NEURL1: variants seen among roughly 807,000 people sequenced by gnomAD.
NEURL1 encodes E3 ubiquitin-protein ligase NEURL1.
NEURL1 carries 26 observed loss-of-function variants against 41.2 expected under a neutral mutation model. The observed-to-expected ratio is 0.63, with a 90% CI of 0.46 to 0.87. The LOEUF is 0.87. NEURL1 is among the 40% of genes least tolerant of loss of function. NEURL1 has a pLI of 0.00. For missense variants in NEURL1, 761 were observed against 871.1 expected (o/e 0.87, Z 1.59); for synonymous variants, 400 against 402.3 (o/e 0.99, Z 0.07).
In NEURL1 at chr10:103,542,187, T is replaced by C. The variant is rs376442286; in HGVS notation, c.86-28685T>C. ...CACGCTGGCTGTATGTGAGAATTGC[T>C]TGGGGAGCTGGGCCCCACACTTCAG... On this transcript the variant is annotated intron_variant, in intron 1 of 5. Transcript: ENST00000369780. Among the ~76,000 whole-genome samples the C allele has an allele frequency of 5.0e-4, 76 of 152,338 alleles. 1 individual carries two copies. In the East Asian group the frequency reaches 0.013, roughly 26 times the overall value.
chr10:103,526,186 C>A (rs529696716), intron 1 of NEURL1, among the ~76,000 whole-genome samples: 41 of 129,028 alleles, frequency 3.2e-4, no homozygotes, highest in Non-Finnish European at 5.6e-4. Context: ...GAGATATTGG[C>A]CTGTAGCTTT....
chr10:103,524,079 TCTGCCTCCTTGC>T (rs1211149902), intron 1 of NEURL1, among the ~76,000 whole-genome samples: 1 of 152,252 alleles, frequency 6.6e-6, no homozygotes, highest in Non-Finnish European at 1.5e-5. Context: ...TTCCCCTTTC[TCTGCCTCCTTGC>T]CAGCATTTGT....
At chr10:103,549,681 G>A (rs975658379) in intron 1 of NEURL1, among the ~76,000 whole-genome samples, 1 of 152,182 alleles carries the variant, frequency 6.6e-6, no homozygotes, top group East Asian at 1.9e-4. Context: ...GCAGCAAGGG[G>A]CTGCCTCCCA....
At chr10:103,550,127 G>C (rs2035003305) in intron 1 of NEURL1, among the ~76,000 whole-genome samples, 1 of 152,212 alleles carries the variant, frequency 6.6e-6, no homozygotes, top group Non-Finnish European at 1.5e-5. Flanking sequence ...TGAGTTCTGA[G>C]AGGGCAGGTT....
chr10:103,570,936 G>A lies in NEURL1; in HGVS notation c.150G>A (p.Pro50=), dbSNP rs140066940. 9.3e-6 allele frequency: 15 copies of A among 1,613,856 alleles called. No individual in the cohort carries two copies. Among genetic ancestry groups the A allele is most frequent in the East Asian group, 4.5e-5 (2 of 44,880 alleles). The change falls in exon 2 of 6, where the codon CCG becomes CCA. Residue 50 remains proline, a synonymous_variant. Coordinates refer to ENST00000369780, the MANE Select transcript of NEURL1 (RefSeq NM_004210.5). ...GCCACCACAAGCAGAAGCACTGTCC[G>A]GCAGTGCTGCCCAGCGGGGGGCTCC... ...HRCHHKQKHC[P]AVLPSGGLPA...
rs1241725688 is a variant in NEURL1 at position 103,551,155 on chromosome 10, C to CT, written c.86-19716dup. ...CATGCCCGTTTTACACCCCTGGCTT[C>CT]TGCAGGGTGGGCATTGGGTCCTGCT... On this transcript the variant is annotated intron_variant, in intron 1 of 5. Coordinates refer to ENST00000369780, the MANE Select transcript of NEURL1 (RefSeq NM_004210.5). 6.0e-4 allele frequency among the ~76,000 whole-genome samples: 91 copies of CT among 152,158 alleles called. 1 individual carries two copies. Among genetic ancestry groups the CT allele is most frequent in the African/African-American group, 2.0e-3 (84 of 41,428 alleles).
intron 1 of NEURL1, among the ~76,000 whole-genome samples, chr10:103,518,732 A>G (rs2034274529): frequency 6.6e-6 from 1 of 152,170 alleles, no homozygotes; most frequent in Non-Finnish European, 1.5e-5. Context: ...ATACCTTGAT[A>G]TCTACCTGTG....
Position 103,545,235 on chromosome 10 carries a change from A to T in NEURL1, c.86-25637A>T, listed in dbSNP as rs1319709014. 6.6e-6 allele frequency among the ~76,000 whole-genome samples: 1 copy of T among 152,250 alleles called. No homozygotes were observed. Among genetic ancestry groups the T allele is most frequent in the Non-Finnish European group, 1.5e-5 (1 of 68,044 alleles). ...CTCCTTGGGCTGTCCTTTGTGCAGG[A>T]ATACCACAGTCCTGACAGCCACCTT... On this transcript the variant is annotated intron_variant, in intron 1 of 5. Transcript: ENST00000369780. This position sits in a 1 kb window ranked among gnomAD's most constrained non-coding sequence, Gnocchi z 4.5.
intron 3 of NEURL1, 120 bp from the exon 4 acceptor site, chr10:103,584,416 T>A: frequency 2.1e-5 from 10 of 486,784 alleles, no homozygotes; most frequent in Non-Finnish European, 2.9e-5. Context: ...GTCACAAGCA[T>A]CGTGTGCGCC....
chr10:103,521,124 A>G (rs1261944749), intron 1 of NEURL1, among the ~76,000 whole-genome samples: 2 of 152,112 alleles, frequency 1.3e-5, no homozygotes, highest in Non-Finnish European at 2.9e-5. Flanking sequence ...GTGTGTTTTT[A>G]AAAGACCATT....
chr10:103,526,928 C>CTTT (rs112480877), intron 1 of NEURL1, among the ~76,000 whole-genome samples: 10 of 147,268 alleles, frequency 6.8e-5, no homozygotes, highest in South Asian at 4.3e-4. Context: ...GTGGTATCAT[C>CTTT]TTTTTTTTTT....
chr10:103,504,510 C>T (rs1192842902), intron 1 of NEURL1, among the ~76,000 whole-genome samples: 2 of 152,174 alleles, frequency 1.3e-5, no homozygotes, highest in Non-Finnish European at 2.9e-5. Context: ...ATCATATCAA[C>T]GGCACATGCT....
At chr10:103,585,662 G>A (rs1481544266) in intron 4 of NEURL1, among the ~76,000 whole-genome samples, 1 of 151,932 alleles carries the variant, frequency 6.6e-6, no homozygotes, top group African/African-American at 2.4e-5. Context: ...GTGAAACCCC[G>A]TCTCTACTAA....
chr10:103,529,313 C>G lies in NEURL1; in HGVS notation c.85+34841C>G, dbSNP rs188893143. 1.1e-4 allele frequency among the ~76,000 whole-genome samples: 16 copies of G among 152,246 alleles called. No homozygotes were observed. In the East Asian group the frequency reaches 1.7e-3, roughly 17 times the overall value. On this transcript the variant is annotated intron_variant, in intron 1 of 5. Coordinates refer to ENST00000369780, the MANE Select transcript of NEURL1 (RefSeq NM_004210.5). ...GATTAGACTTTTTAAAGCCTTGAGC[C>G]GAGCCATGGGTTTGTGACTGCAAAT...
At chr10:103,537,440 C>T (rs1197300289) in intron 1 of NEURL1, among the ~76,000 whole-genome samples, 1 of 152,158 alleles carries the variant, frequency 6.6e-6, no homozygotes, top group African/African-American at 2.4e-5. Context: ...CACTGTGTCA[C>T]CCAGGCTGGA....
At chr10:103,520,046 A>G (rs181264161) in intron 1 of NEURL1, among the ~76,000 whole-genome samples, 272 of 152,264 alleles carry the variant, frequency 1.8e-3, no homozygotes, top group Non-Finnish European at 3.5e-3. Context: ...AGCCTCCCAG[A>G]GTGCTGGGAT....
At chr10:103,504,856 T>C (rs1487765178) in intron 1 of NEURL1, among the ~76,000 whole-genome samples, 2 of 152,202 alleles carry the variant, frequency 1.3e-5, no homozygotes, top group Non-Finnish European at 2.9e-5. Context: ...TGACTTGGTC[T>C]TGGGGATCAG....
At chr10:103,531,734 G>A (rs1480276283) in intron 1 of NEURL1, among the ~76,000 whole-genome samples, 1 of 151,842 alleles carries the variant, frequency 6.6e-6, no homozygotes, top group Non-Finnish European at 1.5e-5. Flanking sequence ...TGCCCAGGCT[G>A]GTCTTGAACT....
intron 3 of NEURL1, among the ~76,000 whole-genome samples, chr10:103,575,580 G>A (rs1229248997): frequency 2.6e-5 from 4 of 152,188 alleles, no homozygotes; most frequent in Non-Finnish European, 5.9e-5. Flanking sequence ...GTGGAGGCAG[G>A]GGCTGGTGTC....
Sources: gnomAD v4.1 joint callset for allele counts (sites outside exome capture counted in the v4.1 genomes callset) on GRCh38, gnomAD v4.1.1 for gene constraint, Gnocchi (gnomAD v3.1) non-coding constraint, MANE v1.5 for transcripts, NCBI Gene and HGNC (gene_info 2026-07-23, HGNC 2026-07-21) for gene names.